Variants in KCNH8 observed in about 807,000 individuals in gnomAD.
KCNH8 encodes voltage-gated delayed rectifier potassium channel KCNH8.
Under a neutral mutation model 103.6 loss-of-function variants are expected in KCNH8, and 70 were observed. The ratio of observed to expected loss-of-function variants is 0.68; its 90% CI spans 0.56 to 0.82. The LOEUF (loss-of-function observed/expected upper bound fraction) is 0.82, where lower values mean the gene tolerates loss of function less well. KCNH8 is among the 40% of genes least tolerant of loss of function. The pLI is 0.00. For missense variants in KCNH8, 1,217 were observed against 1,329.9 expected, an observed-to-expected ratio of 0.92 and a Z score of 1.32; for synonymous variants, 498 against 489.4, an observed-to-expected ratio of 1.02 and a Z score of -0.23.
At chr3:19,479,150 C>T (rs1261500382) in intron 11 of KCNH8, among the ~76,000 whole-genome samples, 4 of 152,100 alleles carry the variant, frequency 2.6e-5, no homozygotes, top group Admixed American at 2.6e-4. Context: ...AGACCTTTTA[C>T]TCTAACATAC....
chr3:19,327,368 C>A (rs2065438264), intron 3 of KCNH8, among the ~76,000 whole-genome samples: 1 of 152,218 alleles, frequency 6.6e-6, no homozygotes, highest in Non-Finnish European at 1.5e-5. Flanking sequence ...AGGCTCACTG[C>A]AGCCTTCGTC....
intron 1 of KCNH8, among the ~76,000 whole-genome samples, chr3:19,246,102 C>T (rs1219481265): frequency 6.6e-6 from 1 of 151,878 alleles, no homozygotes; most frequent in African/African-American, 2.4e-5. Context: ...TATAAATTTG[C>T]TTCAAGTTTG....
intron 5 of KCNH8, among the ~76,000 whole-genome samples, chr3:19,381,552 G>A (rs1429084424): frequency 1.3e-5 from 2 of 152,012 alleles, no homozygotes; most frequent in South Asian, 2.1e-4. Flanking sequence ...AAATGCTGGC[G>A]GGTGGGGGAG....
chr3:19,293,036 T>C (rs2064950413), intron 3 of KCNH8, among the ~76,000 whole-genome samples: 1 of 152,196 alleles, frequency 6.6e-6, no homozygotes, highest in African/African-American at 2.4e-5. Context: ...AGAAAGAGTC[T>C]TGGAATGAGA....
intron 8 of KCNH8, among the ~76,000 whole-genome samples, chr3:19,442,801 A>G (rs1366050840): frequency 2.6e-5 from 4 of 152,174 alleles, no homozygotes; most frequent in African/African-American, 9.6e-5. Flanking sequence ...TGATGCCTGC[A>G]TTTTAATATT....
intron 1 of KCNH8, among the ~76,000 whole-genome samples, chr3:19,156,336 A>G (rs947050494): frequency 1.3e-5 from 2 of 152,150 alleles, no homozygotes; most frequent in African/African-American, 4.8e-5. Flanking sequence ...TGATTTTTCT[A>G]CTATATCATA....
intron 11 of KCNH8, among the ~76,000 whole-genome samples, chr3:19,465,624 A>G (rs1390103432): frequency 1.3e-5 from 2 of 151,762 alleles, no homozygotes; most frequent in African/African-American, 4.8e-5. Context: ...ATAGATAGTG[A>G]TTTCTTTGAT....
intron 3 of KCNH8, among the ~76,000 whole-genome samples, chr3:19,304,441 CAA>C (rs2065103650): frequency 6.6e-6 from 1 of 151,740 alleles, no homozygotes; most frequent in South Asian, 2.1e-4. Flanking sequence ...AAAAAAATAA[CAA>C]AGCTAAATAT....
chr3:19,197,884 A>T (rs1351774401), intron 1 of KCNH8, among the ~76,000 whole-genome samples: 1 of 152,068 alleles, frequency 6.6e-6, no homozygotes, highest in Non-Finnish European at 1.5e-5. Flanking sequence ...ATAATTTTTT[A>T]AAATTTGTGC....
chr3:19,454,697 T>A (rs1219361558), intron 10 of KCNH8, among the ~76,000 whole-genome samples: 1 of 152,160 alleles, frequency 6.6e-6, no homozygotes, highest in Non-Finnish European at 1.5e-5. Context: ...AAAAACTACT[T>A]ACGGCTGAAA....
At chr3:19,295,881 C>T (rs768384903) in intron 3 of KCNH8, among the ~76,000 whole-genome samples, 3 of 152,100 alleles carry the variant, frequency 2.0e-5, no homozygotes, top group African/African-American at 7.2e-5. Context: ...ACTAAGTACC[C>T]TGAATGGGAA....
rs6786997 is a variant in KCNH8, at chr3:19,156,319, T to A, written c.76+7524T>A. Among the ~76,000 whole-genome samples, 1,133 of 152,320 alleles carry A rather than the reference T, an allele frequency of 7.4e-3. 14 individuals are homozygous for A. Among genetic ancestry groups the A allele is most frequent in the African/African-American group, 0.025 (1,032 of 41,584 alleles). On this transcript the variant is annotated intron_variant, in intron 1 of 15. Coordinates refer to ENST00000328405, the MANE Select transcript of KCNH8 (RefSeq NM_144633.3). ...AGCCCAGAATTCTACTATATCATATTAGCCTGTGATTTTTCTACTATATCA... is the reference window on the plus strand; with the variant it reads ...AGCCCAGAATTCTACTATATCATATAAGCCTGTGATTTTTCTACTATATCA...
At chr3:19,372,883 T>C (rs538795004) in intron 5 of KCNH8, among the ~76,000 whole-genome samples, 49 of 152,244 alleles carry the variant, frequency 3.2e-4, no homozygotes, top group Middle Eastern at 3.4e-3. Context: ...GTGGTTTTTG[T>C]CTTTGGCTCA....
intron 11 of KCNH8, among the ~76,000 whole-genome samples, chr3:19,501,025 A>G (rs1430865842): frequency 1.3e-5 from 2 of 152,136 alleles, no homozygotes; most frequent in African/African-American, 4.8e-5. Context: ...TTGACAGACC[A>G]CTAGCAAGAC....
chr3:19,181,140 CATACTG>C (rs1559411476), intron 1 of KCNH8, among the ~76,000 whole-genome samples: 1 of 152,028 alleles, frequency 6.6e-6, no homozygotes, highest in African/African-American at 2.4e-5. Context: ...CATTTTTAGT[CATACTG>C]ATACTGAAAG....
In KCNH8 at chr3:19,512,975, G is replaced by A; in HGVS notation, c.2085G>A (p.Glu695=). The part of the protein sequence containing the change: ...LSNKSMVSQS[E]PKGNGNINKR... ...TATATTATCCACTGATTTAGTCAGA[G>A]CCCAAGGGAAATGGCAACATCAACA... Residue 695 remains glutamate, a synonymous_variant, in exon 13 of 16, where the codon GAG becomes GAA. Coordinates refer to ENST00000328405, the MANE Select transcript of KCNH8 (RefSeq NM_144633.3). The A allele has an allele frequency of 6.2e-7, 1 of 1,613,048 alleles. No individual in the cohort carries two copies. Among genetic ancestry groups the A allele is most frequent in the Non-Finnish European group, 8.5e-7 (1 of 1,179,532 alleles).
Position 19,512,467 on chromosome 3 carries a change from T to G in KCNH8, c.2080-503T>G, listed in dbSNP as rs369161437. Among the ~76,000 whole-genome samples, 3 of 152,274 alleles carry G rather than the reference T, an allele frequency of 2.0e-5. No individual in the cohort carries two copies. The East Asian group carries it at 5.8e-4, about 29-fold the overall frequency. The stretch of plus-strand genomic sequence containing the variant: ...AATACTTCTGATCTTCTTCCATTCA[T>G]GTGATCCAAAATAGGAAAGCTTTTT... On this transcript the variant is annotated intron_variant, in intron 12 of 15. Coordinates refer to ENST00000328405, the MANE Select transcript of KCNH8 (RefSeq NM_144633.3).
At chr3:19,392,574 G>C (rs371222925) in intron 6 of KCNH8, among the ~76,000 whole-genome samples, 1 of 151,872 alleles carries the variant, frequency 6.6e-6, no homozygotes, top group Admixed American at 6.6e-5. Flanking sequence ...TTACAACAAA[G>C]ACTTAGAAAA....
chr3:19,185,884 T>A (rs2063497290), intron 1 of KCNH8, among the ~76,000 whole-genome samples: 1 of 151,986 alleles, frequency 6.6e-6, no homozygotes, highest in South Asian at 2.1e-4. Context: ...GTTTTCCTCA[T>A]GATTTGCATT....
Sources: allele counts gnomAD v4.1 joint callset (sites outside exome capture counted in the v4.1 genomes callset), GRCh38; gene constraint gnomAD v4.1.1; transcripts MANE v1.5; gene names NCBI Gene and HGNC (gene_info 2026-07-23, HGNC 2026-07-21).